GCN1: variants seen among roughly 807,000 people sequenced by gnomAD.
The protein encoded by GCN1 is GCN1 activator of EIF2AK4, also known as stalled ribosome sensor GCN1.
A neutral mutation model predicts 288.4 loss-of-function variants in GCN1; 90 were observed. The ratio of observed to expected loss-of-function variants is 0.31; its 90% CI spans 0.26 to 0.37. The LOEUF (loss-of-function observed/expected upper bound fraction) is 0.37. Ranked by LOEUF, GCN1 falls within the 10% of genes least tolerant of loss-of-function variation. GCN1 has a pLI of 1.00. For missense variants in GCN1, 2,586 were observed against 3,419.9 expected (o/e 0.76, Z 6.08); for synonymous variants, 1,386 against 1,420.2 (o/e 0.98, Z 0.54).
chr12:120,141,083 A>C, intron 44 of GCN1, 60 bp from the exon 45 acceptor site: 2 of 1,463,798 alleles, frequency 1.4e-6, no homozygotes, highest in Non-Finnish European at 1.9e-6. Flanking sequence ...CACCCAGAGG[A>C]GGACTCCAGA....
In GCN1 at chr12:120,158,905, A is replaced by C. The variant is rs907159241; in HGVS notation, c.2750-290T>G. On this transcript the variant is annotated intron_variant, in intron 24 of 57. Transcript: ENST00000300648. This position sits in a 1 kb window ranked among gnomAD's most constrained non-coding sequence, Gnocchi z 4.3. The stretch of plus-strand genomic sequence containing the variant: ...CGGGCGCCTGTAGTCCCAGCTACTC[A>C]GGAGGCTCAAGAAGGAGAATGGCAT... 6.6e-6 allele frequency among the ~76,000 whole-genome samples: 1 copy of C among 151,682 alleles called. No individual in the cohort carries two copies. Among genetic ancestry groups the C allele is most frequent in the Non-Finnish European group, 1.5e-5 (1 of 67,938 alleles).
chr12:120,150,188 G>A, intron 34 of GCN1, 145 bp from the exon 35 acceptor site: 1 of 734,210 alleles, frequency 1.4e-6, no homozygotes, highest in South Asian at 1.8e-5. Flanking sequence ...GATGCCCCAT[G>A]AGGAGGCAGC....
Position 120,194,670 on chromosome 12 carries a change from C to T in GCN1, c.18+10G>A. The T allele has an allele frequency of 1.3e-6, 2 of 1,514,600 alleles. No individual in the cohort carries two copies. Among genetic ancestry groups the T allele is most frequent in the Non-Finnish European group, 1.8e-6 (2 of 1,137,864 alleles). 93.8% of individuals were successfully genotyped at this position (1,514,600 alleles called of 1,614,324 possible). A position where few individuals can be genotyped will look rare whatever the true frequency, so the allele number is the denominator to read the frequency against. On this transcript the variant is annotated intron_variant, in intron 1 of 57. Transcript: ENST00000300648. ...CCTGGCCGCGTTGGCCCCGCAGCCG[C>T]CCGCCTCACCTGCGTGTCCGCCGCC...
Position 120,177,538 on chromosome 12 carries a change from C to A in GCN1, c.747G>T (p.Leu249=), listed in dbSNP as rs200502780. The stretch of plus-strand genomic sequence containing the variant: ...ATTCTGAGTGGGACAGGTATCGGAG[C>A]AGAGGGGCACAGCTATCCTACAAAG... ...PKYLLDSCAP[L]LRYLSHSEFK... Residue 249 remains leucine, a synonymous_variant, in exon 9 of 58, where the codon CTG becomes CTT. Transcript: ENST00000300648. 169 of 1,608,784 alleles carry A rather than the reference C, an allele frequency of 1.1e-4. 1 individual carries two copies. The East Asian group carries it at 3.7e-3, about 35-fold the overall frequency.
intron 22 of GCN1, among the ~76,000 whole-genome samples, chr12:120,160,482 TCTA>T (rs1877891209): frequency 6.6e-6 from 1 of 152,222 alleles, no homozygotes; most frequent in Non-Finnish European, 1.5e-5. Flanking sequence ...TACTGGATTC[TCTA>T]CTGACAAAGG....
intron 5 of GCN1, among the ~76,000 whole-genome samples, chr12:120,181,309 A>T (rs1368267753): frequency 2.6e-5 from 4 of 151,558 alleles, no homozygotes; most frequent in African/African-American, 9.7e-5. Context: ...CTAAAAAAAT[A>T]CAAAAATCAG....
intron 55 of GCN1, 54 bp downstream of exon 55, chr12:120,131,131 G>T: frequency 6.4e-7 from 1 of 1,554,356 alleles, no homozygotes; most frequent in Non-Finnish European, 8.9e-7. Context: ...TGTCCACAAG[G>T]TGCTGCCTAT....
At chr12:120,185,598 G>A (rs1045104526) in intron 2 of GCN1, among the ~76,000 whole-genome samples, 3 of 151,932 alleles carry the variant, frequency 2.0e-5, no homozygotes, top group South Asian at 2.1e-4. Flanking sequence ...TGTTATTAAG[G>A]CCCCCCCGCC....
chr12:120,160,128 A>C lies in GCN1; in HGVS notation c.2550+14T>G. On this transcript the variant is annotated intron_variant, in intron 23 of 57. Transcript: ENST00000300648. ...CTCTTCCGGCTTGAGCATGTGGCGG[A>C]GGTGGCCACTCACCTCCTGCAGCCG... 6.2e-7 allele frequency: 1 copy of C among 1,600,032 alleles called. No individual in the cohort carries two copies. Among genetic ancestry groups the C allele is most frequent in the African/African-American group, 1.3e-5 (1 of 74,716 alleles).
Position 120,134,330 on chromosome 12 carries a change from G to A in GCN1, c.7278C>T (p.Asn2426=). 1 of 1,614,062 alleles carries A rather than the reference G, an allele frequency of 6.2e-7. No individual in the cohort carries two copies. Among genetic ancestry groups the A allele is most frequent in the South Asian group, 1.1e-5 (1 of 91,086 alleles). Residue 2426 remains asparagine, a synonymous_variant, in exon 53 of 58, where the codon AAC becomes AAT. Transcript: ENST00000300648. The surrounding 1 kb of genome is among the most constrained non-coding windows in gnomAD (Gnocchi z 5.0). ...GCATGCTCAGCAGGAGTGAGACGAT[G>A]TTTTTCCGGATGACGGCATCCACTT... is the stretch of plus-strand genomic sequence containing the variant. The part of the protein sequence containing the change: ...GAKVDAVIRK[N]IVSLLLSMLG...
chr12:120,138,478 G>A (rs1352219213), intron 46 of GCN1, 63 bp from the exon 47 acceptor site: 15 of 1,112,536 alleles, frequency 1.3e-5, no homozygotes, highest in South Asian at 7.4e-5. Context: ...ACCAGCCACC[G>A]CCAACTTCCT....
At chr12:120,150,222 C>T (rs1262886790) in intron 34 of GCN1, among the ~76,000 whole-genome samples, 179 bp from the exon 35 acceptor site, 1 of 152,098 alleles carries the variant, frequency 6.6e-6, no homozygotes, top group Non-Finnish European at 1.5e-5. Flanking sequence ...GCTCAAGAAG[C>T]CCCAGCAAAG....
chr12:120,150,162 A>T, intron 34 of GCN1, 119 bp from the exon 35 acceptor site: 1 of 973,676 alleles, frequency 1.0e-6, no homozygotes, highest in Non-Finnish European at 1.5e-6. Flanking sequence ...ACTCAGAAAC[A>T]GCTGTGGAAC....
rs1450222582 is a variant in GCN1, at chr12:120,127,994, G to T, written c.7891-20C>A. The stretch of plus-strand genomic sequence containing the variant: ...GAGGGACTGTGGGGAAGGATGAGCA[G>T]GAGGAAACATAGTCAGAACATACGG... On this transcript the variant is annotated intron_variant, in intron 57 of 57. Coordinates refer to ENST00000300648, the MANE Select transcript of GCN1 (RefSeq NM_006836.2). 1 of 1,613,534 alleles carries T rather than the reference G, an allele frequency of 6.2e-7. No homozygotes were observed. The highest frequency in any genetic ancestry group is 8.5e-7 in the Non-Finnish European group (1 of 1,179,558).
Position 120,155,831 on chromosome 12 carries a change from T to C in GCN1, c.3313-112A>G. 2.1e-6 allele frequency: 2 copies of C among 967,324 alleles called. No individual in the cohort carries two copies. Among genetic ancestry groups the C allele is most frequent in the Non-Finnish European group, 1.6e-6 (1 of 635,144 alleles). 59.9% of individuals were successfully genotyped at this position (967,324 alleles called of 1,614,324 possible). A position where few individuals can be genotyped will look rare whatever the true frequency, so the allele number is the denominator to read the frequency against. ...GTCCAAGATGTAGCCACTAACCGCATGTGGCTAAAGTTAAATCAATTAAAA... is the reference window on the plus strand; with the variant it reads ...GTCCAAGATGTAGCCACTAACCGCACGTGGCTAAAGTTAAATCAATTAAAA... On this transcript the variant is annotated intron_variant, in intron 28 of 57. Transcript: ENST00000300648. The surrounding 1 kb of genome is among the most constrained non-coding windows in gnomAD (Gnocchi z 4.9).
At chr12:120,131,114 C>T in intron 55 of GCN1, 71 bp downstream of exon 55, 23 of 1,418,782 alleles carry the variant, frequency 1.6e-5, no homozygotes, top group East Asian at 2.3e-5. Context: ...GGGGTCCACC[C>T]GCGCTGTGTC....
intron 5 of GCN1, among the ~76,000 whole-genome samples, chr12:120,179,763 A>G (rs1328155626): frequency 6.6e-6 from 1 of 151,658 alleles, no homozygotes; most frequent in Non-Finnish European, 1.5e-5. Flanking sequence ...ATAAATACAC[A>G]AATGAACATA....
chr12:120,136,713 G>A lies in GCN1; in HGVS notation c.6797C>T (p.Pro2266Leu), dbSNP rs1217345100. Residue 2266 changes from proline (P) to leucine (L), a missense_variant, in exon 51 of 58, where the codon CCA becomes CTA. Coordinates refer to ENST00000300648, the MANE Select transcript of GCN1 (RefSeq NM_006836.2). ...LPKKGVTSIL[P>L]VLREGVLTGS... ...AGTCAGGACTCCTTCCCGCAACACTGGAAGGATGGAGGTCACTCCCTGACA... is the reference window on the plus strand; with the variant it reads ...AGTCAGGACTCCTTCCCGCAACACTAGAAGGATGGAGGTCACTCCCTGACA... The A allele has an allele frequency of 1.2e-6, 2 of 1,613,406 alleles. No individual in the cohort carries two copies. The highest frequency in any genetic ancestry group is 1.3e-5 in the African/African-American group (1 of 74,900).
intron 54 of GCN1, 126 bp downstream of exon 54, chr12:120,131,800 G>A: frequency 1.5e-6 from 1 of 663,022 alleles, no homozygotes; most frequent in South Asian, 1.8e-5. Context: ...TTAACTGCTG[G>A]ATTCCCAAGG....
Sources: gnomAD v4.1 joint callset for allele counts (sites outside exome capture counted in the v4.1 genomes callset) on GRCh38, gnomAD v4.1.1 for gene constraint, Gnocchi (gnomAD v3.1) non-coding constraint, MANE v1.5 for transcripts, NCBI Gene and HGNC (gene_info 2026-07-23, HGNC 2026-07-21) for gene names.